The following ZNF367 variants were observed in gnomAD, a reference collection of about 807,000 sequenced individuals.
The protein encoded by ZNF367 is zinc finger protein 367.
In ZNF367, 11 loss-of-function variants were observed where a neutral mutation model predicts 31.8. The ratio of observed to expected loss-of-function variants is 0.35; its 90% CI spans 0.22 to 0.57. ZNF367 has a LOEUF of 0.57. Ranked by LOEUF, ZNF367 falls within the 20% of genes least tolerant of loss-of-function variation. The pLI is 0.85. For missense variants in ZNF367, 353 were observed against 484.1 expected (o/e 0.73, Z 2.54); for synonymous variants, 199 against 202.4 (o/e 0.98, Z 0.14).
intron 2 of ZNF367, among the ~76,000 whole-genome samples, chr9:96,395,796 C>T (rs1463518833): frequency 6.6e-6 from 1 of 152,064 alleles, no homozygotes; most frequent in Non-Finnish European, 1.5e-5. Flanking sequence ...TTCCTAGTAC[C>T]TTATACTTCA....
At chr9:96,407,630 G>A in intron 1 of ZNF367, 1 of 1,447,064 alleles carries the variant, frequency 6.9e-7, no homozygotes, top group Non-Finnish European at 9.7e-7. Flanking sequence ...GAGAAGGCGG[G>A]AAAATGGGAA....
In ZNF367 at chr9:96,418,294, C is replaced by A. The variant is rs909381610; in HGVS notation, c.-262G>T. On this transcript the variant is annotated 5_prime_UTR_variant, in exon 1 of 5. Coordinates refer to ENST00000375256, the MANE Select transcript of ZNF367 (RefSeq NM_153695.4). ...GGCTGCAGGGGTGGGAAGCAGCGGG[C>A]GGCCCGGCCCTTGCGGTGACAGGAA... The A allele has an allele frequency of 4.6e-6, 2 of 430,406 alleles. No individual in the cohort carries two copies. The highest frequency in any genetic ancestry group is 7.7e-6 in the Non-Finnish European group (2 of 258,346). The allele number at this position is 430,406 out of a possible 1,614,324, so 26.7% of individuals were successfully genotyped here. A position where few individuals can be genotyped will look rare whatever the true frequency, so the allele number is the denominator to read the frequency against.
At chr9:96,405,314 CAAAAAAAAA>C (rs975848691) in intron 1 of ZNF367, among the ~76,000 whole-genome samples, 2 of 55,146 alleles carry the variant, frequency 3.6e-5, no homozygotes, top group Non-Finnish European at 7.3e-5. Flanking sequence ...AACTCTGTCT[CAAAAAAAAA>C]AAAAAAAAAA....
At chr9:96,416,082 TTG>T (rs1831825332) in intron 1 of ZNF367, among the ~76,000 whole-genome samples, 7 of 144,386 alleles carry the variant, frequency 4.8e-5, no homozygotes, top group East Asian at 2.0e-4. Context: ...GTTTTTTTTT[TTG>T]TTGTTTTTTT....
intron 1 of ZNF367, among the ~76,000 whole-genome samples, chr9:96,401,403 G>A (rs1198613951): frequency 2.6e-5 from 4 of 152,028 alleles, no homozygotes; most frequent in Non-Finnish European, 5.9e-5. Context: ...GCTCAAGCCT[G>A]TAATCCCAGC....
At chr9:96,396,154 C>CT (rs1232246196) in intron 2 of ZNF367, among the ~76,000 whole-genome samples, 1 of 152,096 alleles carries the variant, frequency 6.6e-6, no homozygotes, top group Non-Finnish European at 1.5e-5. Context: ...AGGCTGATGC[C>CT]TGGGGTATCA....
chr9:96,391,256 C>T (rs924671848), intron 4 of ZNF367, among the ~76,000 whole-genome samples: 1 of 152,150 alleles, frequency 6.6e-6, no homozygotes, highest in African/African-American at 2.4e-5. Context: ...TTCAGTCTGG[C>T]AGGGAAGGTA....
chr9:96,417,859 G>T lies in ZNF367; in HGVS notation c.174C>A (p.Pro58=). The change falls in exon 1 of 5, where the codon CCC becomes CCA. Residue 58 remains proline (P), a synonymous_variant. Coordinates refer to ENST00000375256, the MANE Select transcript of ZNF367 (RefSeq NM_153695.4). This position sits in a 1 kb window ranked among gnomAD's most constrained non-coding sequence, Gnocchi z 5.0. The part of the protein sequence containing the change: ...GEPEPPPPLI[P]TSPGFSDFMV... ...TGAAGTCGCTGAAGCCGGGGCTGGT[G>T]GGGATGAGCGGCGGCGGCGGCTCCG... is the stretch of plus-strand genomic sequence containing the variant. 2 of 1,517,402 alleles carry T rather than the reference G, an allele frequency of 1.3e-6. No individual in the cohort carries two copies. The highest frequency in any genetic ancestry group is 2.7e-5 in the East Asian group (1 of 37,050). 94.0% of individuals were successfully genotyped at this position (1,517,402 alleles called of 1,614,324 possible). A position where few individuals can be genotyped will look rare whatever the true frequency, so the allele number is the denominator to read the frequency against.
At chr9:96,407,274 G>T in intron 1 of ZNF367, 1 of 1,460,708 alleles carries the variant, frequency 6.8e-7, no homozygotes, top group Non-Finnish European at 9.6e-7. Flanking sequence ...GCGGCTCTGC[G>T]GCCGTCACCA....
Position 96,388,122 on chromosome 9 carries a change from T to G in ZNF367, c.*115A>C, listed in dbSNP as rs562067847. 1.4e-5 allele frequency: 14 copies of G among 1,005,498 alleles called. No homozygotes were observed. In the African/African-American group the frequency reaches 2.3e-4, roughly 16 times the overall value. The allele number at this position is 1,005,498 out of a possible 1,614,324, so 62.3% of individuals were successfully genotyped here. On this transcript the variant is annotated 3_prime_UTR_variant, in exon 5 of 5. Transcript: ENST00000375256. Reference sequence around the variant, plus strand: ...TGGGGCAATAACATTCTTCATAAATTTCTACAGAATAGCAGCCTATGATAA... The same window carrying G: ...TGGGGCAATAACATTCTTCATAAATGTCTACAGAATAGCAGCCTATGATAA...
In ZNF367 at chr9:96,417,727, C is replaced by G; in HGVS notation, c.306G>C (p.Glu102Asp). ...SAALPAAAAA[E>D]HSGLRGRGAP... ...CGCCCCGGCCACGAAGCCCCGAGTGCTCGGCGGCTGCGGCTGCAGGCAGGG... is the reference window on the plus strand; with the variant it reads ...CGCCCCGGCCACGAAGCCCCGAGTGGTCGGCGGCTGCGGCTGCAGGCAGGG... Residue 102 changes from glutamate to aspartate, a missense_variant, in exon 1 of 5, where the codon GAG (glutamate) becomes GAC (aspartate). Glu to Asp is a conservative substitution (Grantham distance 45). Transcript: ENST00000375256. This position sits in a 1 kb window ranked among gnomAD's most constrained non-coding sequence, Gnocchi z 5.0. 8.2e-7 allele frequency: 1 copy of G among 1,223,350 alleles called. No individual in the cohort carries two copies. Among genetic ancestry groups the G allele is most frequent in the South Asian group, 4.1e-5 (1 of 24,442 alleles). The allele number at this position is 1,223,350 out of a possible 1,614,324, so 75.8% of individuals were successfully genotyped here. A position where few individuals can be genotyped will look rare whatever the true frequency, so the allele number is the denominator to read the frequency against.
Position 96,417,632 on chromosome 9 carries a change from G to T in ZNF367, c.401C>A (p.Pro134Gln). The T allele has an allele frequency of 2.6e-6, 2 of 779,594 alleles. No individual in the cohort carries two copies. The highest frequency in any genetic ancestry group is 6.4e-5 in the South Asian group (1 of 15,624). The allele number at this position is 779,594 out of a possible 1,614,324, so 48.3% of individuals were successfully genotyped here. A position where few individuals can be genotyped will look rare whatever the true frequency, so the allele number is the denominator to read the frequency against. The change falls in exon 1 of 5, where the codon CCA becomes CAA. Residue 134 changes from proline (P) to glutamine (Q), a missense_variant. Pro to Gln is a moderately conservative substitution (Grantham distance 76). Transcript: ENST00000375256. This position sits in a 1 kb window ranked among gnomAD's most constrained non-coding sequence, Gnocchi z 5.0. The stretch of plus-strand genomic sequence containing the variant: ...GCTCACCTTGAGGTGGCCGCTGTCT[G>T]GGCTGCTCGCTTCCTCCTCGTCCTC... ...GGEDEEEASS[P>Q]DSGHLKDGIR...
chr9:96,407,685 A>G, intron 1 of ZNF367: 1 of 1,413,234 alleles, frequency 7.1e-7, no homozygotes, highest in Non-Finnish European at 9.9e-7. Flanking sequence ...CAGAAGTATT[A>G]AAAGTTATTC....
At chr9:96,393,306 C>T (rs1392056454) in intron 3 of ZNF367, among the ~76,000 whole-genome samples, 1 of 152,030 alleles carries the variant, frequency 6.6e-6, no homozygotes, top group Non-Finnish European at 1.5e-5. Flanking sequence ...GGTGGATCAC[C>T]TGAGGTCAGC....
At chr9:96,391,004 A>C (rs765172414) in intron 4 of ZNF367, among the ~76,000 whole-genome samples, 4 of 151,812 alleles carry the variant, frequency 2.6e-5, no homozygotes, top group Admixed American at 1.3e-4. Flanking sequence ...GAAGTGATGG[A>C]GATATTTAGT....
Position 96,418,048 on chromosome 9 carries a change from C to G in ZNF367, c.-16G>C, listed in dbSNP as rs2131086653. ...CCCGGATCATCGCCCGGCCCGACCC[C>G]CAGCTCCGGCGGCCCCGGGCCGCAC... On this transcript the variant is annotated 5_prime_UTR_variant, in exon 1 of 5. Coordinates refer to ENST00000375256, the MANE Select transcript of ZNF367 (RefSeq NM_153695.4). 7.4e-7 allele frequency: 1 copy of G among 1,356,064 alleles called. No homozygotes were observed. Among genetic ancestry groups the G allele is most frequent in the Non-Finnish European group, 9.4e-7 (1 of 1,060,176 alleles). The allele number at this position is 1,356,064 out of a possible 1,614,324, so 84.0% of individuals were successfully genotyped here.
At chr9:96,393,944 T>C (rs989263303) in intron 3 of ZNF367, among the ~76,000 whole-genome samples, 14 of 151,792 alleles carry the variant, frequency 9.2e-5, no homozygotes, top group African/African-American at 2.9e-4. Context: ...TTTGTAATAA[T>C]CAAGAAAATT....
intron 1 of ZNF367, among the ~76,000 whole-genome samples, chr9:96,411,797 G>A (rs1230720914): frequency 6.6e-6 from 1 of 152,066 alleles, no homozygotes; most frequent in African/African-American, 2.4e-5. Flanking sequence ...ACAGGGAAGG[G>A]TTCACTAAGT....
chr9:96,392,811 G>A (rs759347861), intron 3 of ZNF367, among the ~76,000 whole-genome samples: 16 of 152,194 alleles, frequency 1.1e-4, no homozygotes, highest in South Asian at 4.1e-4. Flanking sequence ...ATGGCAGGGC[G>A]TGGTGGCTCA....
Sources: allele counts gnomAD v4.1 joint callset (sites outside exome capture counted in the v4.1 genomes callset), GRCh38; gene constraint gnomAD v4.1.1; non-coding constraint Gnocchi (gnomAD v3.1); transcripts MANE v1.5; gene names NCBI Gene and HGNC (gene_info 2026-07-23, HGNC 2026-07-21).